Variants in NRXN1 observed in about 807,000 individuals in gnomAD.
The protein encoded by NRXN1 is neurexin 1, also known as neurexin-1.
In NRXN1, 39 loss-of-function variants were observed where a neutral mutation model predicts 150.9. The ratio of observed to expected loss-of-function variants is 0.26; its 90% CI spans 0.20 to 0.34. NRXN1 has a LOEUF of 0.34. Ranked by LOEUF, NRXN1 falls within the 10% of genes least tolerant of loss-of-function variation. The pLI is 1.00. For missense variants in NRXN1, 1,815 were observed against 1,949.9 expected (o/e 0.93, Z 1.30); for synonymous variants, 924 against 757.0 (o/e 1.22, Z -3.62).
rs187745999 is a variant in NRXN1 at position 50,435,366 on chromosome 2, A to T, written c.3364+30076T>A. Among the ~76,000 whole-genome samples, 1,071 of 152,324 alleles carry T rather than the reference A, an allele frequency of 7.0e-3. 8 individuals are homozygous for T. The highest frequency in any genetic ancestry group is 0.03 in the South Asian group (143 of 4,828). On this transcript the variant is annotated intron_variant, in intron 17 of 22. Transcript: ENST00000401669. ...CTATAAAATATATATAATTAAATGC[A>T]AGAAACTTTGAAAGATGACATATTT...
chr2:50,216,914 T>C (rs2063441665), intron 18 of NRXN1, among the ~76,000 whole-genome samples: 1 of 152,118 alleles, frequency 6.6e-6, no homozygotes, highest in South Asian at 2.1e-4. Flanking sequence ...ATATCATTAT[T>C]ATTTTTAGAA....
chr2:50,329,037 G>C (rs1209282092), intron 17 of NRXN1, among the ~76,000 whole-genome samples: 1 of 151,924 alleles, frequency 6.6e-6, no homozygotes, highest in Non-Finnish European at 1.5e-5. Flanking sequence ...TAGAAAAGAA[G>C]TTAACAATAG....
chr2:50,198,708 C>T (rs1016331648), intron 18 of NRXN1, among the ~76,000 whole-genome samples: 2 of 152,046 alleles, frequency 1.3e-5, no homozygotes, highest in African/African-American at 4.8e-5. Flanking sequence ...TGCAGGGATC[C>T]TAAAACCCCA....
chr2:50,022,500 G>T (rs1327287612), intron 21 of NRXN1, among the ~76,000 whole-genome samples: 1 of 152,038 alleles, frequency 6.6e-6, no homozygotes, highest in East Asian at 1.9e-4. Context: ...AATATAAAAA[G>T]ATATAAATAA....
chr2:50,997,144 T>C (rs545350083), intron 2 of NRXN1, among the ~76,000 whole-genome samples: 122 of 152,070 alleles, frequency 8.0e-4, no homozygotes, highest in Non-Finnish European at 9.1e-4. Flanking sequence ...AGGCTACCAG[T>C]GTGTAATCAA....
chr2:50,293,769 AG>A (rs1373907682), intron 17 of NRXN1, among the ~76,000 whole-genome samples: 3 of 152,156 alleles, frequency 2.0e-5, no homozygotes, highest in Non-Finnish European at 2.9e-5. Context: ...TCCTGGAGGC[AG>A]GGGGAGATAG....
intron 15 of NRXN1, among the ~76,000 whole-genome samples, chr2:50,473,230 GA>G (rs1283505885): frequency 6.6e-6 from 1 of 151,666 alleles, no homozygotes; most frequent in Non-Finnish European, 1.5e-5. Context: ...AGGCTGCTCT[GA>G]AATCCGTTAA....
At chr2:49,924,015 G>A (rs905737836) in intron 22 of NRXN1, among the ~76,000 whole-genome samples, 1 of 152,200 alleles carries the variant, frequency 6.6e-6, no homozygotes, top group African/African-American at 2.4e-5. Context: ...TTCCTCTCAT[G>A]AAGAATAGAA....
At chr2:50,085,967 C>A (rs1698720710) in intron 19 of NRXN1, among the ~76,000 whole-genome samples, 2 of 152,120 alleles carry the variant, frequency 1.3e-5, no homozygotes, top group African/African-American at 4.8e-5. Flanking sequence ...AGACAGCAGT[C>A]CCCAAGTGTA....
intron 18 of NRXN1, among the ~76,000 whole-genome samples, chr2:50,177,094 T>C (rs979468469): frequency 6.6e-6 from 1 of 152,164 alleles, no homozygotes; most frequent in Non-Finnish European, 1.5e-5. Context: ...TCAAATTTAC[T>C]TGAAAGTTAG....
At chr2:50,526,773 T>A (rs2092963532) in intron 12 of NRXN1, 1 of 152,228 alleles carries the variant, frequency 6.6e-6, no homozygotes. Context: ...GTCCGATGTG[T>A]ACACTGGAGG....
At chr2:50,185,347 C>T (rs1016607376) in intron 18 of NRXN1, among the ~76,000 whole-genome samples, 6 of 151,936 alleles carry the variant, frequency 3.9e-5, no homozygotes, top group Admixed American at 2.6e-4. Context: ...TCCTGGGTTC[C>T]GTTTCCAGAT....
intron 5 of NRXN1, among the ~76,000 whole-genome samples, chr2:50,895,104 T>G (rs1250849857): frequency 6.6e-6 from 1 of 152,096 alleles, no homozygotes; most frequent in East Asian, 1.9e-4. Flanking sequence ...AAATGACAAA[T>G]TATTCATTTG....
At chr2:49,944,485 G>A (rs1367173212) in intron 21 of NRXN1, among the ~76,000 whole-genome samples, 3 of 152,124 alleles carry the variant, frequency 2.0e-5, no homozygotes, top group East Asian at 3.9e-4. Flanking sequence ...GAGGGGAAGA[G>A]GTGGCAGTTT....
At chr2:50,696,122 C>G (rs1692804432) in intron 5 of NRXN1, 1 of 151,890 alleles carries the variant, frequency 6.6e-6, no homozygotes, top group Non-Finnish European at 1.5e-5. Flanking sequence ...GGATTACAGG[C>G]AAGAGCCACC....
At chr2:50,450,150 T>C (rs1413863765) in intron 17 of NRXN1, among the ~76,000 whole-genome samples, 1 of 152,160 alleles carries the variant, frequency 6.6e-6, no homozygotes, top group Non-Finnish European at 1.5e-5. Flanking sequence ...TATATATAAA[T>C]TCACCTTTGC....
intron 17 of NRXN1, among the ~76,000 whole-genome samples, chr2:50,261,031 T>G (rs1036645853): frequency 2.6e-5 from 4 of 151,758 alleles, no homozygotes; most frequent in Admixed American, 6.6e-5. Context: ...AAAGACTTCA[T>G]GGGTTTTACT....
chr2:50,255,922 A>G lies in NRXN1; in HGVS notation c.3365-18952T>C, dbSNP rs1232397432. Among the ~76,000 whole-genome samples the G allele has an allele frequency of 2.6e-5, 4 of 152,142 alleles. No homozygotes were observed. The East Asian group carries it at 7.7e-4, about 29-fold the overall frequency. On this transcript the variant is annotated intron_variant, in intron 17 of 22. Coordinates refer to ENST00000401669, the MANE Select transcript of NRXN1 (RefSeq NM_001330078.2). ...CTTCTAGATCATTTATCAAAGAATG[A>G]CATGACTTTCTCTTCCTTCCTTGGA... is the stretch of plus-strand genomic sequence containing the variant.
rs142241296 is a variant in NRXN1, at chr2:50,256,811, C to T, written c.3365-19841G>A. Among the ~76,000 whole-genome samples, 132 of 152,200 alleles carry T rather than the reference C, an allele frequency of 8.7e-4. 1 individual carries two copies. The highest frequency in any genetic ancestry group is 3.1e-3 in the African/African-American group (128 of 41,536). On this transcript the variant is annotated intron_variant, in intron 17 of 22. Transcript: ENST00000401669. ...TTCTAGTTCAGATCCTGAAATGTGT[C>T]TGCATTCTCCTGCCCATTTCCCTCT...
Sources: allele counts gnomAD v4.1 joint callset (sites outside exome capture counted in the v4.1 genomes callset), GRCh38; gene constraint gnomAD v4.1.1; transcripts MANE v1.5; gene names NCBI Gene and HGNC (gene_info 2026-07-23, HGNC 2026-07-21).